CACNB1: variants seen among roughly 807,000 people sequenced by gnomAD.
CACNB1 encodes the protein calcium voltage-gated channel auxiliary subunit beta 1.
Under a neutral mutation model 71.6 loss-of-function variants are expected in CACNB1, and 29 were observed. That is an observed-to-expected ratio of 0.40 (90% CI 0.30 to 0.55). The LOEUF (loss-of-function observed/expected upper bound fraction) is 0.55. Among genes scored for constraint, CACNB1 ranks in the 20% least tolerant of loss-of-function variants. The pLI, the probability that CACNB1 is intolerant of heterozygous loss-of-function variation, is 0.38. For synonymous variants in CACNB1, 300 were observed against 319.6 expected (o/e 0.94, Z 0.65); for missense variants, 623 against 801.8 (o/e 0.78, Z 2.69).
intron 11 of CACNB1, among the ~76,000 whole-genome samples, chr17:39,182,115 G>A (rs1189393844): frequency 1.0e-4 from 15 of 150,170 alleles, no homozygotes; most frequent in Middle Eastern, 3.5e-3. Flanking sequence ...GAGCAAGATC[G>A]CACCACTACA....
At chr17:39,177,873 C>G in intron 12 of CACNB1, 111 bp downstream of exon 12, 2 of 869,770 alleles carry the variant, frequency 2.3e-6, no homozygotes, top group Non-Finnish European at 3.9e-6. Flanking sequence ...TCTGCACCCA[C>G]AGGCCTGACC....
intron 3 of CACNB1, among the ~76,000 whole-genome samples, chr17:39,191,116 A>G (rs2046067826): frequency 6.6e-6 from 1 of 152,118 alleles, no homozygotes; most frequent in South Asian, 2.1e-4. Flanking sequence ...AGGCAGGAGA[A>G]TGGCGTGAAC....
At chr17:39,185,641 T>C (rs894981139) in intron 6 of CACNB1, among the ~76,000 whole-genome samples, 1 of 149,756 alleles carries the variant, frequency 6.7e-6, no homozygotes, top group African/African-American at 2.5e-5. Context: ...CATGCCAAGG[T>C]AGACACCAAC....
Position 39,186,643 on chromosome 17 carries a change from G to C in CACNB1, c.552-71C>G. ...GTGGGGGGCTCTCATCCTCTCACAT[G>C]CGGCACCCCCGGAGGTGCTCCAGCC... On this transcript the variant is annotated intron_variant, in intron 5 of 13. Coordinates refer to ENST00000394303, the MANE Select transcript of CACNB1 (RefSeq NM_000723.5). The surrounding 1 kb of genome is among the most constrained non-coding windows in gnomAD (Gnocchi z 4.1). The C allele has an allele frequency of 2.0e-6, 3 of 1,515,746 alleles. No homozygotes were observed. The highest frequency in any genetic ancestry group is 2.7e-6 in the Non-Finnish European group (3 of 1,097,536). 93.9% of individuals were successfully genotyped at this position (1,515,746 alleles called of 1,614,324 possible).
intron 3 of CACNB1, among the ~76,000 whole-genome samples, chr17:39,190,943 G>A (rs1035211963): frequency 9.2e-5 from 14 of 151,822 alleles, no homozygotes; most frequent in South Asian, 2.1e-4. Flanking sequence ...GGTGGCTCAC[G>A]CCTGTAATCC....
chr17:39,175,173 C>CT lies in CACNB1; in HGVS notation c.*19_*20insA. 1 of 1,583,804 alleles carries CT rather than the reference C, an allele frequency of 6.3e-7. No homozygotes were observed. ...CCCCTGGGCTCAGAGCCCTTCCTCC[C>CT]GCCGTGTGGCCCCTGCCTCTCAGCG... On this transcript the variant is annotated 3_prime_UTR_variant, in exon 14 of 14. Coordinates refer to ENST00000394303, the MANE Select transcript of CACNB1 (RefSeq NM_000723.5). This position sits in a 1 kb window ranked among gnomAD's most constrained non-coding sequence, Gnocchi z 4.7.
At chr17:39,183,070 G>C (rs1057389205) in intron 11 of CACNB1, 2 of 401,604 alleles carry the variant, frequency 5.0e-6, no homozygotes, top group Admixed American at 6.4e-5. Context: ...CCTTCCTACC[G>C]ATTTCCCCTC....
chr17:39,191,440 A>C (rs1331560018), intron 3 of CACNB1, 34 bp downstream of exon 3: 2 of 1,571,516 alleles, frequency 1.3e-6, no homozygotes, highest in African/African-American at 1.4e-5. Flanking sequence ...GGGGGAAATC[A>C]TGCCAGCACA....
rs370951612 is a variant in CACNB1, at chr17:39,178,088, G to A, written c.1051-9C>T. ...ATGAGCCTTTGAAGTACCTGGTTTG[G>A]GGAGAGAGAAAAGGAAGAGGAGCTA... On this transcript the variant is annotated splice_polypyrimidine_tract_variant and intron_variant, in intron 11 of 13. Transcript: ENST00000394303. The A allele has an allele frequency of 4.4e-6, 7 of 1,608,814 alleles. No homozygotes were observed. Among genetic ancestry groups the A allele is most frequent in the Non-Finnish European group, 6.0e-6 (7 of 1,175,342 alleles).
chr17:39,187,194 C>T (rs2045962053), intron 4 of CACNB1: 7 of 601,320 alleles, frequency 1.2e-5, no homozygotes, highest in Non-Finnish European at 2.1e-5. Flanking sequence ...GCCCACCCTA[C>T]TCTACAAAGG....
Position 39,187,296 on chromosome 17 carries a change from C to T in CACNB1, c.414+183G>A, listed in dbSNP as rs978533247. On this transcript the variant is annotated intron_variant, in intron 4 of 13. Transcript: ENST00000394303. ...CAAACCCTCCCAACAACCTTCTGACCTAAGCATTACCACCTCATTTTTCCA... is the reference window on the plus strand; with the variant it reads ...CAAACCCTCCCAACAACCTTCTGACTTAAGCATTACCACCTCATTTTTCCA... 2.7e-5 allele frequency: 19 copies of T among 711,748 alleles called. No homozygotes were observed. The African/African-American group carries it at 3.2e-4, about 12-fold the overall frequency. The allele number at this position is 711,748 out of a possible 1,614,324, so 44.1% of individuals were successfully genotyped here.
chr17:39,185,541 G>C (rs1256405546), intron 6 of CACNB1, among the ~76,000 whole-genome samples: 1 of 151,312 alleles, frequency 6.6e-6, no homozygotes, highest in Non-Finnish European at 1.5e-5. Flanking sequence ...TAACTGTCTT[G>C]CTTTGCAGCC....
Position 39,186,918 on chromosome 17 carries a change from A to G in CACNB1, c.426T>C (p.Asn142=), listed in dbSNP as rs373519362. The change falls in exon 5 of 14, where the codon AAT becomes AAC. Residue 142 remains asparagine (N), a synonymous_variant. Transcript: ENST00000394303. This position sits in a 1 kb window ranked among gnomAD's most constrained non-coding sequence, Gnocchi z 4.1. ...TCACCAGCCGCCCGATCCACCAGTC[A>G]TTATTGTATTTCTGCAAAGAATATG... ...DFLHIKEKYN[N]DWWIGRLVKE... is the part of the protein sequence containing the mutation. 5 of 1,613,986 alleles carry G rather than the reference A, an allele frequency of 3.1e-6. No homozygotes were observed. The highest frequency in any genetic ancestry group is 4.2e-6 in the Non-Finnish European group (5 of 1,179,968).
intron 11 of CACNB1, among the ~76,000 whole-genome samples, chr17:39,180,175 C>A (rs2045714899): frequency 6.7e-6 from 1 of 149,588 alleles, no homozygotes; most frequent in Non-Finnish European, 1.5e-5. Flanking sequence ...TGAGGCAGAA[C>A]TGCTTGAACT....
chr17:39,185,655 A>G (rs977539334), intron 6 of CACNB1, among the ~76,000 whole-genome samples: 1 of 151,546 alleles, frequency 6.6e-6, no homozygotes, highest in East Asian at 1.9e-4. Context: ...CACCAACACC[A>G]GAGCAGGCCC....
rs763007765 is a variant in CACNB1 at position 39,186,169 on chromosome 17, G to A, written c.628+327C>T. On this transcript the variant is annotated intron_variant, in intron 6 of 13. Coordinates refer to ENST00000394303, the MANE Select transcript of CACNB1 (RefSeq NM_000723.5). The surrounding 1 kb of genome is among the most constrained non-coding windows in gnomAD (Gnocchi z 4.1). ...GGTGGGGAGAAGGAGTGAGATGAACGTGGAGACACAAGTACAGAACGCAGG... is the reference window on the plus strand; with the variant it reads ...GGTGGGGAGAAGGAGTGAGATGAACATGGAGACACAAGTACAGAACGCAGG... 22 of 1,394,094 alleles carry A rather than the reference G, an allele frequency of 1.6e-5. No homozygotes were observed. Among genetic ancestry groups the A allele is most frequent in the African/African-American group, 8.5e-5 (6 of 70,554 alleles). The allele number at this position is 1,394,094 out of a possible 1,614,324, so 86.4% of individuals were successfully genotyped here.
At chr17:39,176,681 C>A (rs1229716756) in intron 13 of CACNB1, among the ~76,000 whole-genome samples, 1 of 152,158 alleles carries the variant, frequency 6.6e-6, no homozygotes, top group African/African-American at 2.4e-5. Context: ...TTTCTTCTGG[C>A]TCTTAAGACC....
At chr17:39,189,860 C>T (rs28750502) in intron 3 of CACNB1, among the ~76,000 whole-genome samples, 16,203 of 151,262 alleles carry the variant, frequency 0.11, 881 homozygotes, top group South Asian at 0.13. Flanking sequence ...GCCTGTAATC[C>T]TAGCACTTTG....
At chr17:39,187,200 A>C (rs1423334846) in intron 4 of CACNB1, 1 of 600,256 alleles carries the variant, frequency 1.7e-6, no homozygotes, top group African/African-American at 1.9e-5. Flanking sequence ...CCTACTCTAC[A>C]AAGGCCGCTG....
Sources: gnomAD v4.1 joint callset for allele counts (sites outside exome capture counted in the v4.1 genomes callset) on GRCh38, gnomAD v4.1.1 for gene constraint, Gnocchi (gnomAD v3.1) non-coding constraint, MANE v1.5 for transcripts, NCBI Gene and HGNC (gene_info 2026-07-23, HGNC 2026-07-21) for gene names.